Variants in LAPTM5 observed in about 807,000 individuals in gnomAD.
The protein encoded by LAPTM5 is lysosomal-associated transmembrane protein 5.
Under a neutral mutation model 30.1 loss-of-function variants are expected in LAPTM5, and 11 were observed. The ratio of observed to expected loss-of-function variants is 0.37; its 90% CI spans 0.23 to 0.60. LAPTM5 has a LOEUF of 0.60. Among genes scored for constraint, LAPTM5 ranks in the 20% least tolerant of loss-of-function variants. The pLI is 0.71. For missense variants in LAPTM5, 324 were observed against 332.5 expected, an observed-to-expected ratio of 0.97 and a Z score of 0.20; for synonymous variants, 151 against 137.9, an observed-to-expected ratio of 1.10 and a Z score of -0.67.
intron 1 of LAPTM5, among the ~76,000 whole-genome samples, chr1:30,749,783 A>G (rs1399256730): frequency 6.6e-6 from 1 of 152,352 alleles, no homozygotes; most frequent in East Asian, 1.9e-4. Flanking sequence ...GCCAGTGTGC[A>G]TGAGACGCAT....
rs1426139788 is a variant in LAPTM5 at position 30,739,292 on chromosome 1, A to G, written c.388-230T>C. 3 of 476,408 alleles carry G rather than the reference A, an allele frequency of 6.3e-6. No individual in the cohort carries two copies. Among genetic ancestry groups the G allele is most frequent in the Non-Finnish European group, 1.1e-5 (3 of 265,104 alleles). The allele number at this position is 476,408 out of a possible 1,614,324, so 29.5% of individuals were successfully genotyped here. A position where few individuals can be genotyped will look rare whatever the true frequency, so the allele number is the denominator to read the frequency against. Reference sequence around the variant, plus strand: ...CAGACTCCCGGGCCAGGGCCCTTCCATGATGTAGCCCCCCGGTCTCTTCAA... The same window carrying G: ...CAGACTCCCGGGCCAGGGCCCTTCCGTGATGTAGCCCCCCGGTCTCTTCAA... On this transcript the variant is annotated intron_variant, in intron 4 of 7. Transcript: ENST00000294507. The surrounding 1 kb of genome is among the most constrained non-coding windows in gnomAD (Gnocchi z 4.2).
chr1:30,739,744 C>T lies in LAPTM5; in HGVS notation c.387+65G>A. On this transcript the variant is annotated intron_variant, in intron 4 of 7. Coordinates refer to ENST00000294507, the MANE Select transcript of LAPTM5 (RefSeq NM_006762.3). The surrounding 1 kb of genome is among the most constrained non-coding windows in gnomAD (Gnocchi z 4.2). ...TGAGCACAGGGCCCGTGTCTGGTCC[C>T]CTCCCATCTCCCATGCCAGACCTGG... 1.3e-6 allele frequency: 2 copies of T among 1,499,520 alleles called. 1 individual carries two copies. Among genetic ancestry groups the T allele is most frequent in the Non-Finnish European group, 1.8e-6 (2 of 1,119,376 alleles). 92.9% of individuals were successfully genotyped at this position (1,499,520 alleles called of 1,614,324 possible). A position where few individuals can be genotyped will look rare whatever the true frequency, so the allele number is the denominator to read the frequency against.
intron 6 of LAPTM5, among the ~76,000 whole-genome samples, chr1:30,736,155 A>G (rs1420071973): frequency 6.6e-6 from 1 of 152,042 alleles, no homozygotes; most frequent in African/African-American, 2.4e-5. Context: ...TGAGGCCTTC[A>G]GGGGTGTTCT....
intron 6 of LAPTM5, among the ~76,000 whole-genome samples, chr1:30,736,590 C>T (rs1039478037): frequency 1.3e-5 from 2 of 151,696 alleles, no homozygotes; most frequent in African/African-American, 4.9e-5. Context: ...CACGCCACCA[C>T]ATCCAACTTT....
chr1:30,737,395 C>T (rs1174708355), intron 6 of LAPTM5, among the ~76,000 whole-genome samples: 2 of 152,072 alleles, frequency 1.3e-5, no homozygotes, highest in African/African-American at 2.4e-5. Context: ...GTGGCCTTTA[C>T]GGATTCACAT....
rs1234845792 is a variant in LAPTM5, at chr1:30,733,787, G to A, written c.*41C>T. 6.3e-7 allele frequency: 1 copy of A among 1,589,856 alleles called. No individual in the cohort carries two copies. Among genetic ancestry groups the A allele is most frequent in the South Asian group, 1.1e-5 (1 of 88,546 alleles). ...AAGCAAAAAAGCAGATTATGAGGCAGCTCCACCCCTCCCAGCACTGGGGCT... is the reference window on the plus strand; with the variant it reads ...AAGCAAAAAAGCAGATTATGAGGCAACTCCACCCCTCCCAGCACTGGGGCT... On this transcript the variant is annotated 3_prime_UTR_variant, in exon 8 of 8. Coordinates refer to ENST00000294507, the MANE Select transcript of LAPTM5 (RefSeq NM_006762.3).
intron 1 of LAPTM5, among the ~76,000 whole-genome samples, chr1:30,756,767 T>C (rs1640216748): frequency 6.6e-6 from 1 of 152,124 alleles, no homozygotes; most frequent in South Asian, 2.1e-4. Flanking sequence ...CCTTCCAGAC[T>C]CATGAGAAAA....
chr1:30,742,401 A>C, intron 2 of LAPTM5, 55 bp downstream of exon 2: 3 of 1,272,090 alleles, frequency 2.4e-6, no homozygotes, highest in Non-Finnish European at 3.4e-6. Flanking sequence ...ATCCCTGGCC[A>C]GGGCCCTCCC....
intron 1 of LAPTM5, among the ~76,000 whole-genome samples, chr1:30,749,332 G>A (rs1557466685): frequency 1.3e-5 from 2 of 152,182 alleles, no homozygotes; most frequent in African/African-American, 2.4e-5. Context: ...GTCAGTGGGG[G>A]CGGGGCAGTG....
chr1:30,749,343 G>A (rs747685590), intron 1 of LAPTM5, among the ~76,000 whole-genome samples: 4 of 152,206 alleles, frequency 2.6e-5, no homozygotes, highest in Admixed American at 6.5e-5. Context: ...CGGGGCAGTG[G>A]CGAGGCGGGG....
Position 30,739,406 on chromosome 1 carries a change from C to T in LAPTM5, c.388-344G>A, listed in dbSNP as rs1354352706. On this transcript the variant is annotated intron_variant, in intron 4 of 7. Coordinates refer to ENST00000294507, the MANE Select transcript of LAPTM5 (RefSeq NM_006762.3). The surrounding 1 kb of genome is among the most constrained non-coding windows in gnomAD (Gnocchi z 4.2). ...CCCTCAAGCCACCCCACAGTGGGCG[C>T]TCACTGGCATGAATCATCCTTCTCT... Among the ~76,000 whole-genome samples the T allele has an allele frequency of 6.6e-6, 1 of 152,226 alleles. No individual in the cohort carries two copies. Among genetic ancestry groups the T allele is most frequent in the Non-Finnish European group, 1.5e-5 (1 of 68,048 alleles).
At chr1:30,740,211 C>T (rs1639948461) in intron 3 of LAPTM5, among the ~76,000 whole-genome samples, 1 of 152,130 alleles carries the variant, frequency 6.6e-6, no homozygotes, top group South Asian at 2.1e-4. Context: ...AATTTGCTCA[C>T]AAGAACCCAG....
chr1:30,735,162 G>A lies in LAPTM5; in HGVS notation c.699+11C>T, dbSNP rs376284297. ...GTGACAGGGCTGGCACCCACCTGCA[G>A]CCACACTCACCTTCTGGAGCATCTT... On this transcript the variant is annotated intron_variant, in intron 7 of 7. Coordinates refer to ENST00000294507, the MANE Select transcript of LAPTM5 (RefSeq NM_006762.3). 2.1e-5 allele frequency: 33 copies of A among 1,607,544 alleles called. No homozygotes were observed. In the African/African-American group the frequency reaches 4.3e-4, roughly 21 times the overall value.
intron 3 of LAPTM5, 83 bp from the exon 4 acceptor site, chr1:30,740,020 C>G: frequency 7.0e-7 from 1 of 1,423,358 alleles, no homozygotes; most frequent in Non-Finnish European, 9.3e-7. Flanking sequence ...TCATGCATCC[C>G]CTTCCCACCC....
intron 1 of LAPTM5, among the ~76,000 whole-genome samples, chr1:30,743,317 G>T (rs980652546): frequency 6.6e-6 from 1 of 152,184 alleles, no homozygotes; most frequent in Non-Finnish European, 1.5e-5. Flanking sequence ...ATGAATGAAT[G>T]AATGAATGAA....
At chr1:30,736,721 C>T (rs1639889724) in intron 6 of LAPTM5, among the ~76,000 whole-genome samples, 1 of 152,194 alleles carries the variant, frequency 6.6e-6, no homozygotes, top group Admixed American at 6.5e-5. Context: ...CAGATGTGAG[C>T]CACCACATCC....
intron 5 of LAPTM5, 78 bp from the exon 6 acceptor site, chr1:30,737,777 G>T (rs1259855092): frequency 2.2e-6 from 2 of 918,566 alleles, no homozygotes; most frequent in Admixed American, 3.8e-5. Context: ...CGGGAATAAT[G>T]ATCCCACCCT....
intron 6 of LAPTM5, among the ~76,000 whole-genome samples, chr1:30,737,396 G>A (rs553922714): frequency 5.2e-4 from 79 of 152,176 alleles, no homozygotes; most frequent in African/African-American, 1.8e-3. Flanking sequence ...TGGCCTTTAC[G>A]GATTCACATG....
At position 30,739,079 on chromosome 1, in the gene LAPTM5, C is replaced by G; in HGVS notation, c.388-17G>C. On this transcript the variant is annotated splice_polypyrimidine_tract_variant and intron_variant, in intron 4 of 7. Coordinates refer to ENST00000294507, the MANE Select transcript of LAPTM5 (RefSeq NM_006762.3). This position sits in a 1 kb window ranked among gnomAD's most constrained non-coding sequence, Gnocchi z 4.2. Reference sequence around the variant, plus strand: ...GGAGGAGCTCTGGGGAGGACAAATACAAGGAGGAGGAATGAGGAGCAGCAA... The same window carrying G: ...GGAGGAGCTCTGGGGAGGACAAATAGAAGGAGGAGGAATGAGGAGCAGCAA... 1 of 1,575,168 alleles carries G rather than the reference C, an allele frequency of 6.3e-7. No individual in the cohort carries two copies.
Sources: allele counts gnomAD v4.1 joint callset (sites outside exome capture counted in the v4.1 genomes callset), GRCh38; gene constraint gnomAD v4.1.1; non-coding constraint Gnocchi (gnomAD v3.1); transcripts MANE v1.5; gene names NCBI Gene and HGNC (gene_info 2026-07-23, HGNC 2026-07-21).